CACNA1E: variants seen among roughly 807,000 people sequenced by gnomAD.
CACNA1E encodes voltage-dependent R-type calcium channel subunit alpha-1E.
A neutral mutation model predicts 259.2 loss-of-function variants in CACNA1E; 40 were observed. That is an observed-to-expected ratio of 0.15 (90% CI 0.12 to 0.20). CACNA1E has a LOEUF of 0.20. CACNA1E is among the 10% of genes least tolerant of loss of function. CACNA1E has a pLI of 1.00. For synonymous variants in CACNA1E, 1,104 were observed against 1,138.5 expected (o/e 0.97, Z 0.61); for missense variants, 1,874 against 3,040.1 (o/e 0.62, Z 9.02).
At chr1:181,511,235 C>T in intron 2 of CACNA1E, 136 bp from the exon 3 acceptor site, 2 of 998,126 alleles carry the variant, frequency 2.0e-6, no homozygotes, top group Non-Finnish European at 3.1e-6. Flanking sequence ...GCAAGGGTCC[C>T]TTAGCACCCT....
chr1:181,325,319 C>T (rs1557911960), intron 1 of CACNA1E, among the ~76,000 whole-genome samples: 1 of 152,218 alleles, frequency 6.6e-6, no homozygotes, highest in Non-Finnish European at 1.5e-5. Context: ...CCCTTAGACC[C>T]TAGAGCTCAG....
chr1:181,515,150 C>T, intron 3 of CACNA1E, among the ~76,000 whole-genome samples: 1 of 152,056 alleles, frequency 6.6e-6, no homozygotes, highest in Non-Finnish European at 1.5e-5. Context: ...TCCTTTAGTC[C>T]CCGTGAGGCA....
At chr1:181,393,240 T>A (rs1454677009) in intron 1 of CACNA1E, among the ~76,000 whole-genome samples, 1 of 152,218 alleles carries the variant, frequency 6.6e-6, no homozygotes, top group East Asian at 1.9e-4. Context: ...TTAGGAAAGT[T>A]GATAAACCTG....
At chr1:181,410,045 G>A (rs543209662) in intron 1 of CACNA1E, among the ~76,000 whole-genome samples, 3 of 152,280 alleles carry the variant, frequency 2.0e-5, no homozygotes, top group Non-Finnish European at 4.4e-5. Context: ...ACGAGGGAAA[G>A]GAGGCTGCAG....
rs1659958594 is a variant in CACNA1E at position 181,776,198 on chromosome 1, G to A, written c.5237G>A (p.Arg1746His). 4 of 1,614,014 alleles carry A rather than the reference G, an allele frequency of 2.5e-6. No homozygotes were observed. Among genetic ancestry groups the A allele is most frequent in the Non-Finnish European group, 3.4e-6 (4 of 1,179,876 alleles). Reference protein sequence around the residue: ...LGPHHLDEFVRVWAEYDRAAC... With the variant: ...LGPHHLDEFVHVWAEYDRAAC... ...CCTCACCACTTGGACGAGTTTGTCC[G>A]CGTCTGGGCAGAATATGACCGAGCA... The change falls in exon 38 of 48, where the codon CGC (arginine) becomes CAC (histidine). Residue 1746 changes from arginine (R) to histidine (H), a missense_variant. Physicochemically the swap from Arg to His is conservative, Grantham distance 29. Transcript: ENST00000367573. The surrounding 1 kb of genome is among the most constrained non-coding windows in gnomAD (Gnocchi z 4.4).
intron 5 of CACNA1E, 96 bp downstream of exon 5, chr1:181,579,320 C>G (rs912900183): frequency 2.1e-6 from 2 of 951,924 alleles, no homozygotes; most frequent in African/African-American, 3.3e-5. Flanking sequence ...AAAAGTATGT[C>G]CTATTCTGAC....
At position 181,631,607 on chromosome 1, in the gene CACNA1E, T is replaced by C. The variant is rs559020583; in HGVS notation, c.952-19731T>C. Among the ~76,000 whole-genome samples, 6 of 152,026 alleles carry C rather than the reference T, an allele frequency of 3.9e-5. No individual in the cohort carries two copies. In the South Asian group the frequency reaches 1.2e-3, roughly 32 times the overall value. ...AGAAGGAGAGGGCGTTGTTGCAGTA[T>C]GGCTGGGTGGTGAGATAGGCCTCCT... On this transcript the variant is annotated intron_variant, in intron 6 of 47. Transcript: ENST00000367573.
chr1:181,339,133 T>G (rs903347490), intron 1 of CACNA1E, among the ~76,000 whole-genome samples: 1 of 152,224 alleles, frequency 6.6e-6, no homozygotes, highest in Non-Finnish European at 1.5e-5. Context: ...AAGATTGCTT[T>G]GGCTATTCAG....
At chr1:181,723,295 A>G (rs1654577668) in intron 16 of CACNA1E, among the ~76,000 whole-genome samples, 1 of 151,988 alleles carries the variant, frequency 6.6e-6, no homozygotes, top group Admixed American at 6.5e-5. Flanking sequence ...GAATGGGGAG[A>G]TGAGCTCCCA....
chr1:181,501,275 G>C (rs977195058), intron 1 of CACNA1E, among the ~76,000 whole-genome samples: 5 of 152,216 alleles, frequency 3.3e-5, no homozygotes, highest in African/African-American at 4.8e-5. Flanking sequence ...CATGGCAGTG[G>C]GAGGAGGGAG....
At chr1:181,380,040 G>GAT (rs975598452) in intron 1 of CACNA1E, among the ~76,000 whole-genome samples, 1 of 147,372 alleles carries the variant, frequency 6.8e-6, no homozygotes, top group Non-Finnish European at 1.5e-5. Context: ...ATATGTATTT[G>GAT]ATATATATAT....
chr1:181,686,283 T>TTTTTTTTTTTTTTTG (rs1650545754), intron 7 of CACNA1E, among the ~76,000 whole-genome samples: 1 of 122,764 alleles, frequency 8.1e-6, no homozygotes, highest in Admixed American at 8.8e-5. Context: ...AAGTTTTTTT[T>TTTTTTTTTTTTTTTG]TTTTTTTTTT....
intron 1 of CACNA1E, among the ~76,000 whole-genome samples, chr1:181,318,376 G>A (rs1305965482): frequency 1.3e-5 from 2 of 152,156 alleles, no homozygotes; most frequent in Admixed American, 1.3e-4. Flanking sequence ...TTGTCCTGGC[G>A]TGGGAAACGC....
intron 2 of CACNA1E, among the ~76,000 whole-genome samples, chr1:181,447,274 C>G (rs1049635525): frequency 5.9e-5 from 9 of 151,958 alleles, no homozygotes; most frequent in Non-Finnish European, 1.3e-4. Flanking sequence ...TGCCTTCATT[C>G]CCAGAGCTTT....
intron 2 of CACNA1E, among the ~76,000 whole-genome samples, chr1:181,451,178 G>T (rs1216111953): frequency 6.6e-6 from 1 of 152,198 alleles, no homozygotes; most frequent in African/African-American, 2.4e-5. Flanking sequence ...TTCTTCCACT[G>T]CCTCGCTCAC....
At chr1:181,749,963 C>T (rs146493273) in intron 25 of CACNA1E, among the ~76,000 whole-genome samples, 24 of 152,358 alleles carry the variant, frequency 1.6e-4, no homozygotes, top group South Asian at 1.0e-3. Flanking sequence ...TGAGTGGTTG[C>T]GTGTCCCTCT....
chr1:181,791,135 A>G (rs2102872921), intron 44 of CACNA1E, among the ~76,000 whole-genome samples: 1 of 152,336 alleles, frequency 6.6e-6, no homozygotes, highest in South Asian at 2.1e-4. Flanking sequence ...ACAGGCCACT[A>G]AAGTCACTTC....
intron 3 of CACNA1E, among the ~76,000 whole-genome samples, chr1:181,556,506 G>A (rs1007328702): frequency 2.6e-5 from 4 of 152,214 alleles, no homozygotes; most frequent in African/African-American, 9.7e-5. Context: ...GAGGCAGAGG[G>A]TGGAGCAGGC....
At chr1:181,357,875 G>A (rs1166173192) in intron 1 of CACNA1E, among the ~76,000 whole-genome samples, 1 of 152,174 alleles carries the variant, frequency 6.6e-6, no homozygotes, top group Non-Finnish European at 1.5e-5. Flanking sequence ...GGATGGCAAG[G>A]AGGTCACTTC....
Sources: allele counts gnomAD v4.1 joint callset (sites outside exome capture counted in the v4.1 genomes callset), GRCh38; gene constraint gnomAD v4.1.1; non-coding constraint Gnocchi (gnomAD v3.1); transcripts MANE v1.5; gene names NCBI Gene and HGNC (gene_info 2026-07-23, HGNC 2026-07-21).